NRXN1: variants seen among roughly 807,000 people sequenced by gnomAD.
The protein encoded by NRXN1 is neurexin-1.
Under a neutral mutation model 150.9 loss-of-function variants are expected in NRXN1, and 39 were observed. The observed-to-expected ratio is 0.26, with a 90% CI of 0.20 to 0.34. The LOEUF is 0.34. Among genes scored for constraint, NRXN1 ranks in the 10% least tolerant of loss-of-function variants. The pLI is 1.00. For missense variants in NRXN1, 1,815 were observed against 1,949.9 expected (o/e 0.93, Z 1.30); for synonymous variants, 924 against 757.0 (o/e 1.22, Z -3.62).
intron 5 of NRXN1, among the ~76,000 whole-genome samples, chr2:50,895,425 G>A (rs1681773152): frequency 6.6e-6 from 1 of 152,104 alleles, no homozygotes; most frequent in Non-Finnish European, 1.5e-5. Context: ...TTTACCACTT[G>A]AGCCTGTTTT....
At chr2:50,250,158 A>G (rs2066905370) in intron 17 of NRXN1, among the ~76,000 whole-genome samples, 1 of 152,120 alleles carries the variant, frequency 6.6e-6, no homozygotes, top group Non-Finnish European at 1.5e-5. Context: ...AAAGACCTTC[A>G]ATGATTAAGT....
chr2:50,240,366 C>A (rs771260937), intron 17 of NRXN1, among the ~76,000 whole-genome samples: 1 of 151,718 alleles, frequency 6.6e-6, no homozygotes, highest in African/African-American at 2.4e-5. Context: ...ATAAGCGAGA[C>A]AATTAGATAT....
At chr2:49,979,466 A>G (rs900884660) in intron 21 of NRXN1, among the ~76,000 whole-genome samples, 3 of 152,212 alleles carry the variant, frequency 2.0e-5, no homozygotes, top group Admixed American at 6.5e-5. Flanking sequence ...TTTATAGGTT[A>G]TGAAATACAA....
chr2:50,505,615 C>T (rs1049492462), intron 13 of NRXN1, among the ~76,000 whole-genome samples: 3 of 152,128 alleles, frequency 2.0e-5, no homozygotes, highest in South Asian at 4.1e-4. Flanking sequence ...CTCTTCTGCC[C>T]TGTAAATTTT....
At chr2:50,237,324 C>T (rs908821149) in intron 17 of NRXN1, among the ~76,000 whole-genome samples, 1 of 151,982 alleles carries the variant, frequency 6.6e-6, no homozygotes, top group African/African-American at 2.4e-5. Context: ...CTGGATGCTT[C>T]CAAAAAGCAA....
At chr2:50,946,004 G>C (rs1314712635) in intron 2 of NRXN1, among the ~76,000 whole-genome samples, 1 of 150,772 alleles carries the variant, frequency 6.6e-6, no homozygotes, top group Non-Finnish European at 1.5e-5. Flanking sequence ...GGCACCTAGA[G>C]GACTCACTTA....
intron 12 of NRXN1, among the ~76,000 whole-genome samples, chr2:50,518,961 C>T (rs2092703646): frequency 6.6e-6 from 1 of 151,516 alleles, no homozygotes; most frequent in Admixed American, 6.6e-5. Flanking sequence ...ATTTTTTCTT[C>T]CTTTCTTTTT....
At chr2:50,258,499 C>T (rs559324592) in intron 17 of NRXN1, among the ~76,000 whole-genome samples, 1 of 152,156 alleles carries the variant, frequency 6.6e-6, no homozygotes, top group South Asian at 2.1e-4. Flanking sequence ...AGTTCTCTTG[C>T]TATTTCTACC....
At chr2:50,906,005 A>G (rs1178522840) in intron 5 of NRXN1, among the ~76,000 whole-genome samples, 1 of 152,140 alleles carries the variant, frequency 6.6e-6, no homozygotes, top group African/African-American at 2.4e-5. Context: ...ATGTGCAGAA[A>G]TATGACCTGG....
intron 17 of NRXN1, among the ~76,000 whole-genome samples, chr2:50,251,013 A>AATT (rs367722262): frequency 0.43 from 62,938 of 147,944 alleles, 13,896 homozygotes; most frequent in Middle Eastern, 0.46. Context: ...CATATGTGTA[A>AATT]TATTACATAT....
At chr2:50,134,122 C>T (rs373046301) in intron 18 of NRXN1, among the ~76,000 whole-genome samples, 1 of 151,950 alleles carries the variant, frequency 6.6e-6, no homozygotes, top group African/African-American at 2.4e-5. Flanking sequence ...CAAAGGACTT[C>T]AAAGTAGTCC....
At chr2:50,894,234 TATA>T (rs1285580204) in intron 5 of NRXN1, among the ~76,000 whole-genome samples, 1 of 131,846 alleles carries the variant, frequency 7.6e-6, no homozygotes, top group Non-Finnish European at 1.6e-5. Context: ...AAACTTAAAG[TATA>T]ATAATAATAA....
chr2:50,927,649 C>A (rs1448538062), intron 2 of NRXN1, among the ~76,000 whole-genome samples: 1 of 151,860 alleles, frequency 6.6e-6, no homozygotes, highest in Non-Finnish European at 1.5e-5. Context: ...TATACTTTTC[C>A]TGTATATTAA....
chr2:50,847,616 G>T (rs966646962), intron 5 of NRXN1, among the ~76,000 whole-genome samples: 1 of 152,112 alleles, frequency 6.6e-6, no homozygotes, highest in African/African-American at 2.4e-5. Context: ...TATAAAAACC[G>T]GAGACCCTAG....
intron 5 of NRXN1, among the ~76,000 whole-genome samples, chr2:50,780,802 T>G (rs1704258157): frequency 6.6e-6 from 1 of 152,330 alleles, no homozygotes; most frequent in Admixed American, 6.5e-5. Context: ...TCCATTAAAA[T>G]GTTACAAGTC....
At chr2:50,365,433 G>A (rs891418236) in intron 17 of NRXN1, among the ~76,000 whole-genome samples, 1 of 152,138 alleles carries the variant, frequency 6.6e-6, no homozygotes, top group East Asian at 1.9e-4. Flanking sequence ...GGAAAATCAT[G>A]AGTCTATTTT....
intron 21 of NRXN1, among the ~76,000 whole-genome samples, chr2:49,981,474 AT>A (rs1201919773): frequency 3.9e-5 from 6 of 152,234 alleles, no homozygotes; most frequent in Admixed American, 1.3e-4. Flanking sequence ...ACAATGGACT[AT>A]ACGAGAAACT....
At chr2:50,789,218 G>C (rs1705589440) in intron 5 of NRXN1, among the ~76,000 whole-genome samples, 2 of 152,100 alleles carry the variant, frequency 1.3e-5, no homozygotes, top group Non-Finnish European at 1.5e-5. Context: ...CCCAAAACCT[G>C]ATTCATGGCT....
chr2:50,156,699 T>A (rs1239718699), intron 18 of NRXN1, among the ~76,000 whole-genome samples: 1 of 151,962 alleles, frequency 6.6e-6, no homozygotes, highest in African/African-American at 2.4e-5. Flanking sequence ...CTTATCTAGT[T>A]CCTTCATTGA....
Sources: allele counts gnomAD v4.1 joint callset (sites outside exome capture counted in the v4.1 genomes callset), GRCh38; gene constraint gnomAD v4.1.1; transcripts MANE v1.5; gene names NCBI Gene and HGNC (gene_info 2026-07-23, HGNC 2026-07-21).